FRMD4A: variants seen among roughly 807,000 people sequenced by gnomAD.
FRMD4A encodes FERM domain containing 4A, also known as FERM domain-containing protein 4A.
A neutral mutation model predicts 129.1 loss-of-function variants in FRMD4A; 29 were observed. That is an observed-to-expected ratio of 0.22 (90% CI 0.17 to 0.31). The LOEUF (loss-of-function observed/expected upper bound fraction) is 0.31, where lower values mean the gene tolerates loss of function less well. Among genes scored for constraint, FRMD4A ranks in the 10% least tolerant of loss-of-function variants. FRMD4A has a pLI of 1.00. For missense variants in FRMD4A, 1,272 were observed against 1,375.8 expected (o/e 0.92, Z 1.19); for synonymous variants, 634 against 571.6 (o/e 1.11, Z -1.56).
chr10:13,790,393 A>G (rs113442169), intron 5 of FRMD4A, among the ~76,000 whole-genome samples: 2 of 152,346 alleles, frequency 1.3e-5, no homozygotes, highest in African/African-American at 4.8e-5. Flanking sequence ...AGTCTCCAGC[A>G]AAGAGACTGC....
At chr10:13,808,283 T>G (rs1378320502) in intron 4 of FRMD4A, among the ~76,000 whole-genome samples, 6 of 152,222 alleles carry the variant, frequency 3.9e-5, no homozygotes, top group Admixed American at 2.6e-4. Flanking sequence ...CGATTGCATT[T>G]TACTGTAAAA....
intron 2 of FRMD4A, among the ~76,000 whole-genome samples, chr10:13,953,089 T>A (rs1238702202): frequency 1.3e-5 from 2 of 152,176 alleles, no homozygotes; most frequent in Non-Finnish European, 2.9e-5. Context: ...ATGTGAGGAC[T>A]AAATTATCTC....
At chr10:13,927,099 C>T (rs2095141751) in intron 2 of FRMD4A, among the ~76,000 whole-genome samples, 1 of 151,900 alleles carries the variant, frequency 6.6e-6, no homozygotes, top group Non-Finnish European at 1.5e-5. Context: ...ACTAAAAATA[C>T]AGAAAAAATT....
Position 13,659,466 on chromosome 10 carries a change from T to G in FRMD4A, c.1923A>C (p.Thr641=). 1 of 1,613,504 alleles carries G rather than the reference T, an allele frequency of 6.2e-7. No individual in the cohort carries two copies. Among genetic ancestry groups the G allele is most frequent in the Non-Finnish European group, 8.5e-7 (1 of 1,179,788 alleles). The change falls in exon 21 of 25, where the codon ACA becomes ACC. Residue 641 remains threonine (T), a synonymous_variant. Transcript: ENST00000357447. ...CTCCGCCGGCTTCCGCACAGCTTCC[T>G]GTGCTGGGGAAGCGCTTGTGGCTGC... The part of the protein sequence containing the change: ...HSSSHKRFPS[T]GSCAEAGGGS...
intron 2 of FRMD4A, among the ~76,000 whole-genome samples, chr10:13,943,675 A>AAAAAAAAAAAAAAAAAAAAAAAAAAAG (rs2095310696): frequency 1.6e-5 from 2 of 123,692 alleles, no homozygotes; most frequent in Non-Finnish European, 1.8e-5. Context: ...AAAAAAAAAA[A>AAAAAAAAAAAAAAAAAAAAAAAAAAAG]AAAAGAAAAA....
chr10:13,812,613 G>A (rs984794526), intron 3 of FRMD4A, among the ~76,000 whole-genome samples: 2 of 152,224 alleles, frequency 1.3e-5, no homozygotes, highest in African/African-American at 4.8e-5. Context: ...GTAAGAGCTA[G>A]CGCTGAGTTT....
intron 2 of FRMD4A, among the ~76,000 whole-genome samples, chr10:14,247,767 G>A (rs1482353700): frequency 1.3e-5 from 2 of 152,202 alleles, no homozygotes; most frequent in Non-Finnish European, 2.9e-5. Flanking sequence ...GGAAGTCTCA[G>A]CCTTGGCCCA....
At chr10:13,689,693 T>G (rs7919451) in intron 15 of FRMD4A, among the ~76,000 whole-genome samples, 1 of 151,482 alleles carries the variant, frequency 6.6e-6, no homozygotes, top group African/African-American at 2.4e-5. Context: ...GTGGGAAATA[T>G]AAGCATGCAC....
chr10:14,063,653 GCA>G (rs998262524), intron 2 of FRMD4A, among the ~76,000 whole-genome samples: 66 of 151,826 alleles, frequency 4.3e-4, no homozygotes, highest in African/African-American at 1.6e-3. Flanking sequence ...TGGATGTCGG[GCA>G]CACAGTTATC....
chr10:13,958,689 G>T (rs987689096), intron 2 of FRMD4A, among the ~76,000 whole-genome samples: 5 of 149,906 alleles, frequency 3.3e-5, no homozygotes, highest in African/African-American at 7.4e-5. Flanking sequence ...AGGTTTAAGC[G>T]ATTCTCCTGC....
intron 3 of FRMD4A, among the ~76,000 whole-genome samples, chr10:13,823,363 G>C (rs1299768772): frequency 7.9e-5 from 12 of 152,166 alleles, no homozygotes. Context: ...GTCTAGCGTG[G>C]CTCCCCTTGG....
At position 13,645,703 on chromosome 10, in the gene FRMD4A, G is replaced by A. The variant is rs2081078827; in HGVS notation, c.*1335C>T. The A allele has an allele frequency of 6.6e-6, 1 of 152,454 alleles. No individual in the cohort carries two copies. The highest frequency in any genetic ancestry group is 2.1e-4 in the South Asian group (1 of 4,824). The allele number at this position is 152,454 out of a possible 1,614,324, so 9.4% of individuals were successfully genotyped here. A position where few individuals can be genotyped will look rare whatever the true frequency, so the allele number is the denominator to read the frequency against. On this transcript the variant is annotated 3_prime_UTR_variant, in exon 25 of 25. Transcript: ENST00000357447. ...TGCCTGTTGGCTAGTAGACACACGA[G>A]TCAAATCTTTCTACCTAAGGGCATA...
intron 2 of FRMD4A, among the ~76,000 whole-genome samples, chr10:14,057,106 T>C (rs569012788): frequency 6.6e-6 from 1 of 152,326 alleles, no homozygotes; most frequent in African/African-American, 2.4e-5. Flanking sequence ...GGCTTAGGAA[T>C]GAGGCCTCAA....
At chr10:14,275,574 C>T (rs1393746114) in intron 2 of FRMD4A, among the ~76,000 whole-genome samples, 1 of 152,220 alleles carries the variant, frequency 6.6e-6, no homozygotes, top group African/African-American at 2.4e-5. Flanking sequence ...AGCCAGTTTA[C>T]ACTTTCAGAT....
At chr10:14,185,745 T>C (rs1272720481) in intron 2 of FRMD4A, among the ~76,000 whole-genome samples, 1 of 152,152 alleles carries the variant, frequency 6.6e-6, no homozygotes, top group Non-Finnish European at 1.5e-5. Context: ...GCAACAGCAG[T>C]AGACCAGGCT....
intron 5 of FRMD4A, among the ~76,000 whole-genome samples, chr10:13,792,323 A>C (rs758110115): frequency 2.6e-5 from 4 of 151,532 alleles, no homozygotes; most frequent in Non-Finnish European, 4.4e-5. Flanking sequence ...CCCTGCCTAT[A>C]CAGGGAACAG....
chr10:13,746,946 G>A (rs2091323203), intron 9 of FRMD4A, among the ~76,000 whole-genome samples: 1 of 152,070 alleles, frequency 6.6e-6, no homozygotes, highest in African/African-American at 2.4e-5. Context: ...ATGGCATAAT[G>A]TTACATAGTG....
intron 2 of FRMD4A, among the ~76,000 whole-genome samples, chr10:13,921,687 AT>A (rs1257540078): frequency 6.6e-6 from 1 of 152,154 alleles, no homozygotes; most frequent in Non-Finnish European, 1.5e-5. Context: ...CAACAGATGA[AT>A]TTTGGGGAAC....
At chr10:13,800,988 C>A (rs566097731) in intron 4 of FRMD4A, among the ~76,000 whole-genome samples, 6 of 152,340 alleles carry the variant, frequency 3.9e-5, no homozygotes, top group African/African-American at 9.6e-5. Context: ...GTGGCTCATG[C>A]CTGTAATCCC....
Sources: allele counts gnomAD v4.1 joint callset (sites outside exome capture counted in the v4.1 genomes callset), GRCh38; gene constraint gnomAD v4.1.1; transcripts MANE v1.5; gene names NCBI Gene and HGNC (gene_info 2026-07-23, HGNC 2026-07-21).